Variants in CARS1 observed in about 807,000 individuals in gnomAD.
The protein encoded by CARS1 is cysteinyl-tRNA synthetase 1, also known as cysteine--tRNA ligase, cytoplasmic.
A neutral mutation model predicts 106.2 loss-of-function variants in CARS1; 48 were observed. The ratio of observed to expected loss-of-function variants is 0.45; its 90% CI spans 0.36 to 0.57. The LOEUF is 0.57. Ranked by LOEUF, CARS1 falls within the 20% of genes least tolerant of loss-of-function variation. The pLI is 0.00. For synonymous variants in CARS1, 409 were observed against 403.4 expected, an observed-to-expected ratio of 1.01 and a Z score of -0.17; for missense variants, 968 against 1,057.2, an observed-to-expected ratio of 0.92 and a Z score of 1.17.
Position 3,037,936 on chromosome 11 carries a change from C to A in CARS1, c.801+114G>T. 1 of 1,101,772 alleles carries A rather than the reference C, an allele frequency of 9.1e-7. No homozygotes were observed. Among genetic ancestry groups the A allele is most frequent in the Non-Finnish European group, 1.3e-6 (1 of 770,476 alleles). The allele number at this position is 1,101,772 out of a possible 1,614,324, so 68.2% of individuals were successfully genotyped here. On this transcript the variant is annotated intron_variant, in intron 7 of 22. Transcript: ENST00000380525. This position sits in a 1 kb window ranked among gnomAD's most constrained non-coding sequence, Gnocchi z 5.9. ...TGCCACAGTGGAGCTACTGGAGACA[C>A]AGAGTGTCTTCCACTAAGACAATCT...
At chr11:3,055,724 G>A (rs545696134) in intron 1 of CARS1, among the ~76,000 whole-genome samples, 2 of 152,286 alleles carry the variant, frequency 1.3e-5, no homozygotes, top group South Asian at 4.1e-4. Flanking sequence ...CTACTAATAC[G>A]TCATTTACGT....
chr11:3,026,732 T>C lies in CARS1; in HGVS notation c.1097A>G (p.Tyr366Cys), dbSNP rs1465128901. 2.5e-6 allele frequency: 4 copies of C among 1,613,906 alleles called. No homozygotes were observed. The highest frequency in any genetic ancestry group is 1.1e-5 in the South Asian group (1 of 91,022). Reference protein sequence around the residue: ...AKFASSEKHSYGKLVPEAVGD... With the variant: ...AKFASSEKHSCGKLVPEAVGD... Reference sequence around the variant, plus strand: ...AACGGCCTCAGGCACCAGCTTCCCATAGGAGTGCTTCTCGCTAGAAGCAAA... The same window carrying C: ...AACGGCCTCAGGCACCAGCTTCCCACAGGAGTGCTTCTCGCTAGAAGCAAA... Residue 366 changes from tyrosine to cysteine, a missense_variant, in exon 10 of 23, where the codon TAT becomes TGT. By Grantham distance (194) the Tyr-to-Cys change is radical. Transcript: ENST00000380525.
chr11:3,010,755 GC>G (rs1208173618), intron 18 of CARS1, among the ~76,000 whole-genome samples: 4 of 152,240 alleles, frequency 2.6e-5, no homozygotes, highest in Non-Finnish European at 5.9e-5. Context: ...CCCGAAACAG[GC>G]CCAGATTCGG....
rs1366702970 is a variant in CARS1 at position 3,026,683 on chromosome 11, T to A, written c.1146A>T (p.Glu382Asp). ...CAGGCATGCCCTCCTCACCTTCCCC[T>A]TCTTGAAGGGCTTTCTGATCTCCAA... is the stretch of plus-strand genomic sequence containing the variant. ...EAVGDQKALQ[E>D]GEGDLSISAD... The change falls in exon 10 of 23, where the codon GAA (glutamate) becomes GAT (aspartate). Residue 382 changes from glutamate (E) to aspartate (D), a missense_variant. By Grantham distance (45) the Glu-to-Asp change is conservative (BLOSUM62 2). Coordinates refer to ENST00000380525, the MANE Select transcript of CARS1 (RefSeq NM_001014437.3). 1 of 1,613,686 alleles carries A rather than the reference T, an allele frequency of 6.2e-7. No homozygotes were observed. Among genetic ancestry groups the A allele is most frequent in the African/African-American group, 1.3e-5 (1 of 74,908 alleles).
At chr11:3,047,263 C>A (rs1242061166) in intron 2 of CARS1, among the ~76,000 whole-genome samples, 6 of 131,694 alleles carry the variant, frequency 4.6e-5, no homozygotes, top group Non-Finnish European at 6.2e-5. Context: ...GGCGATAGAG[C>A]GAGACTCCAT....
intron 2 of CARS1, among the ~76,000 whole-genome samples, chr11:3,047,231 C>T (rs1166932229): frequency 6.8e-6 from 1 of 146,640 alleles, no homozygotes; most frequent in Non-Finnish European, 1.5e-5. Flanking sequence ...GAGTGGAGAT[C>T]GCACCACTGC....
rs1182895749 is a variant in CARS1 at position 3,020,068 on chromosome 11, C to T, written c.1266+152G>A. ...GGAGTCTCCATGATGTCCAGGTCCCCGGGGCCAGGCAGCCTGTGCTGCACC... is the reference window on the plus strand; with the variant it reads ...GGAGTCTCCATGATGTCCAGGTCCCTGGGGCCAGGCAGCCTGTGCTGCACC... On this transcript the variant is annotated intron_variant, in intron 11 of 22. Transcript: ENST00000380525. This position sits in a 1 kb window ranked among gnomAD's most constrained non-coding sequence, Gnocchi z 4.6. The T allele has an allele frequency of 1.3e-5, 8 of 627,688 alleles. No homozygotes were observed. Among genetic ancestry groups the T allele is most frequent in the South Asian group, 5.5e-5 (3 of 54,578 alleles). 38.9% of individuals were successfully genotyped at this position (627,688 alleles called of 1,614,324 possible). A position where few individuals can be genotyped will look rare whatever the true frequency, so the allele number is the denominator to read the frequency against.
In CARS1 at chr11:3,046,187, G is replaced by T. The variant is rs1590541255; in HGVS notation, c.274+1566C>A. 6.6e-6 allele frequency among the ~76,000 whole-genome samples: 1 copy of T among 152,300 alleles called. No individual in the cohort carries two copies. The highest frequency in any genetic ancestry group is 3.4e-3 in the Middle Eastern group (1 of 294). On this transcript the variant is annotated intron_variant, in intron 2 of 22. Coordinates refer to ENST00000380525, the MANE Select transcript of CARS1 (RefSeq NM_001014437.3). This position sits in a 1 kb window ranked among gnomAD's most constrained non-coding sequence, Gnocchi z 5.8. Reference sequence around the variant, plus strand: ...CCTCTCTGTAGGTTAAAAAGTGTTTGCAAGAGCAAAACCCTTCCTTCCTCT... The same window carrying T: ...CCTCTCTGTAGGTTAAAAAGTGTTTTCAAGAGCAAAACCCTTCCTTCCTCT...
In CARS1 at chr11:3,044,853, G is replaced by A. The variant is rs974017222; in HGVS notation, c.275-2597C>T. On this transcript the variant is annotated intron_variant, in intron 2 of 22. Transcript: ENST00000380525. The surrounding 1 kb of genome is among the most constrained non-coding windows in gnomAD (Gnocchi z 4.4). ...AGGCTGAAGATAAAATGATGGAGAG[G>A]GAAGCCAGGAAGTGGCAAGCAGTCT... Among the ~76,000 whole-genome samples, 13 of 152,148 alleles carry A rather than the reference G, an allele frequency of 8.5e-5. No individual in the cohort carries two copies. The highest frequency in any genetic ancestry group is 2.4e-4 in the African/African-American group (10 of 41,420).
At position 3,029,262 on chromosome 11, in the gene CARS1, T is replaced by G. The variant is rs201768688; in HGVS notation, c.942+41A>C. On this transcript the variant is annotated intron_variant, in intron 8 of 22. Transcript: ENST00000380525. The surrounding 1 kb of genome is among the most constrained non-coding windows in gnomAD (Gnocchi z 5.9). ...AACAGGAATTTAGAAATCAGGGCCC[T>G]TAGCGCAAGAGAGCCAGCACAAGAC... The G allele has an allele frequency of 1.5e-4, 246 of 1,604,780 alleles. 2 individuals carry two copies. The African/African-American group carries it at 3.1e-3, about 20-fold the overall frequency.
chr11:3,031,669 G>C (rs890320423), intron 7 of CARS1: 3 of 152,218 alleles, frequency 2.0e-5, no homozygotes, highest in Non-Finnish European at 4.4e-5. Context: ...AAACTGGAGA[G>C]ACCAACAGGA....
rs115083654 is a variant in CARS1 at position 3,039,141 on chromosome 11, C to T, written c.651+53G>A. On this transcript the variant is annotated intron_variant, in intron 6 of 22. Coordinates refer to ENST00000380525, the MANE Select transcript of CARS1 (RefSeq NM_001014437.3). The surrounding 1 kb of genome is among the most constrained non-coding windows in gnomAD (Gnocchi z 5.6). Reference sequence around the variant, plus strand: ...CTAGGGACAGTAGCCTACAAAGGACCGAGAACAGAAAGCAAAGGGCTCGGT... The same window carrying T: ...CTAGGGACAGTAGCCTACAAAGGACTGAGAACAGAAAGCAAAGGGCTCGGT... 2,199 of 1,156,318 alleles carry T rather than the reference C, an allele frequency of 1.9e-3. 27 individuals carry two copies. In the African/African-American group the frequency reaches 0.028, roughly 14 times the overall value. 71.6% of individuals were successfully genotyped at this position (1,156,318 alleles called of 1,614,324 possible).
chr11:3,009,897 T>C (rs538792361), intron 18 of CARS1, among the ~76,000 whole-genome samples: 157 of 152,286 alleles, frequency 1.0e-3, no homozygotes, highest in African/African-American at 3.4e-3. Flanking sequence ...CAGTCACTAT[T>C]TGCTGCTGCT....
chr11:3,005,118 A>C (rs1220964094), intron 20 of CARS1, among the ~76,000 whole-genome samples: 1 of 151,554 alleles, frequency 6.6e-6, no homozygotes, highest in Non-Finnish European at 1.5e-5. Context: ...AAAAAAAAAA[A>C]AAAAAAAAAA....
At position 3,040,551 on chromosome 11, in the gene CARS1, G is replaced by A. The variant is rs939685269; in HGVS notation, c.455+345C>T. On this transcript the variant is annotated intron_variant, in intron 4 of 22. Transcript: ENST00000380525. The surrounding 1 kb of genome is among the most constrained non-coding windows in gnomAD (Gnocchi z 5.8). Reference sequence around the variant, plus strand: ...CAGGCCTGTCAGGTCTGAGTGTCACGGGAACTCAGCATCTGGGGACCCCAC... The same window carrying A: ...CAGGCCTGTCAGGTCTGAGTGTCACAGGAACTCAGCATCTGGGGACCCCAC... The A allele has an allele frequency of 2.0e-6, 1 of 500,302 alleles. No homozygotes were observed. The highest frequency in any genetic ancestry group is 1.9e-5 in the African/African-American group (1 of 51,774). 31.0% of individuals were successfully genotyped at this position (500,302 alleles called of 1,614,324 possible).
chr11:3,024,252 A>G (rs2134171365), intron 10 of CARS1, among the ~76,000 whole-genome samples: 1 of 152,094 alleles, frequency 6.6e-6, no homozygotes, highest in East Asian at 1.9e-4. Flanking sequence ...GTTTCCTCTA[A>G]TTGGTGCTTT....
In CARS1 at chr11:3,004,103, C is replaced by T. The variant is rs575393548; in HGVS notation, c.2217+1263G>A. Among the ~76,000 whole-genome samples, 52 of 152,140 alleles carry T rather than the reference C, an allele frequency of 3.4e-4. No individual in the cohort carries two copies. The highest frequency in any genetic ancestry group is 6.5e-4 in the Non-Finnish European group (44 of 68,012). ...CCACCTCACAGCACAGCACGGCAGG[C>T]GAGACCCAAGGCTAGGTGAGTGACT... is the stretch of plus-strand genomic sequence containing the variant. On this transcript the variant is annotated intron_variant, in intron 20 of 22. Transcript: ENST00000380525. This position sits in a 1 kb window ranked among gnomAD's most constrained non-coding sequence, Gnocchi z 5.2.
At chr11:3,033,048 A>AG (rs36023481) in intron 7 of CARS1, among the ~76,000 whole-genome samples, 50,038 of 151,622 alleles carry the variant, frequency 0.33, 10,169 homozygotes, top group East Asian at 0.63. Context: ...CTCTAAAAAA[A>AG]AACTTTTTTT....
rs1438252418 is a variant in CARS1 at position 3,025,870 on chromosome 11, A to G, written c.1153+806T>C. 2.0e-5 allele frequency among the ~76,000 whole-genome samples: 3 copies of G among 152,324 alleles called. 1 individual carries two copies. In the South Asian group the frequency reaches 6.2e-4, roughly 32 times the overall value. The stretch of plus-strand genomic sequence containing the variant: ...GTCAAATATGCATCACTCGGCACAC[A>G]TCCCAGCACCCCACAATCCCCCTAA... On this transcript the variant is annotated intron_variant, in intron 10 of 22. Transcript: ENST00000380525.
Sources: allele counts gnomAD v4.1 joint callset (sites outside exome capture counted in the v4.1 genomes callset), GRCh38; gene constraint gnomAD v4.1.1; non-coding constraint Gnocchi (gnomAD v3.1); transcripts MANE v1.5; gene names NCBI Gene and HGNC (gene_info 2026-07-23, HGNC 2026-07-21).